The following DRC11 variants were observed in gnomAD, a reference collection of about 807,000 sequenced individuals.
DRC11 encodes IQ and AAA domain-containing protein 1.
the DRC11 span, among the ~76,000 whole-genome samples, chr2:236,417,730 C>G: frequency 6.6e-6 from 1 of 151,712 alleles, no homozygotes; most frequent in Admixed American, 6.6e-5. Context: ...TCTCCCCTTG[C>G]CCCCCATCCC....
the DRC11 span, among the ~76,000 whole-genome samples, chr2:236,478,362 T>C: frequency 2.6e-5 from 4 of 152,224 alleles, no homozygotes; most frequent in African/African-American, 7.2e-5. The surrounding 1 kb of genome is among the most constrained non-coding windows in gnomAD (Gnocchi z 5.9). Flanking sequence ...CCAAGTTTTC[T>C]CTTGTTATTG....
At chr2:236,385,964 T>G in the DRC11 span, among the ~76,000 whole-genome samples, 5 of 144,780 alleles carry the variant, frequency 3.5e-5, no homozygotes, top group Admixed American at 1.4e-4. Context: ...TGGATTACAT[T>G]TATTGATTTG....
the DRC11 span, chr2:236,363,730 G>GT: frequency 1.1e-5 from 15 of 1,372,234 alleles, no homozygotes; most frequent in Non-Finnish European, 1.5e-5. This position sits in a 1 kb window ranked among gnomAD's most constrained non-coding sequence, Gnocchi z 5.6. Context: ...GTTTGAAAAT[G>GT]TAATTTGAAA....
At chr2:236,385,055 T>C in the DRC11 span, among the ~76,000 whole-genome samples, 1 of 151,968 alleles carries the variant, frequency 6.6e-6, no homozygotes, top group South Asian at 2.1e-4. Context: ...GCTGTTTTGG[T>C]TACTGTAGCC....
chr2:236,445,852 C>A, the DRC11 span, among the ~76,000 whole-genome samples: 1 of 152,302 alleles, frequency 6.6e-6, no homozygotes, highest in African/African-American at 2.4e-5. This position sits in a 1 kb window ranked among gnomAD's most constrained non-coding sequence, Gnocchi z 4.8. Context: ...CATGCTTGTG[C>A]AAACAGATGG....
At chr2:236,491,246 G>GTATA in the DRC11 span, among the ~76,000 whole-genome samples, 775 of 23,702 alleles carry the variant, frequency 0.033, 40 homozygotes, top group Non-Finnish European at 0.048. Flanking sequence ...TATATACACA[G>GTATA]TATATATATA....
the DRC11 span, among the ~76,000 whole-genome samples, chr2:236,340,546 A>T: frequency 1.3e-5 from 2 of 152,102 alleles, no homozygotes; most frequent in Admixed American, 1.3e-4. Flanking sequence ...AGGTGGTGGG[A>T]GTGACTGGGC....
the DRC11 span, among the ~76,000 whole-genome samples, chr2:236,490,978 A>G: frequency 7.0e-4 from 101 of 144,340 alleles, no homozygotes; most frequent in African/African-American, 2.5e-3. This position sits in a 1 kb window ranked among gnomAD's most constrained non-coding sequence, Gnocchi z 5.5. Flanking sequence ...GTATATATAT[A>G]CAGTATATAC....
chr2:236,445,249 T>G, the DRC11 span, among the ~76,000 whole-genome samples: 2 of 152,276 alleles, frequency 1.3e-5, no homozygotes, highest in African/African-American at 4.8e-5. The surrounding 1 kb of genome is among the most constrained non-coding windows in gnomAD (Gnocchi z 4.8). Flanking sequence ...GAATTCTTAA[T>G]TATGGAACAC....
the DRC11 span, among the ~76,000 whole-genome samples, chr2:236,358,067 T>C: frequency 5.0e-5 from 6 of 120,446 alleles, no homozygotes. Flanking sequence ...ATTATATGAA[T>C]ATATATTTAT....
the DRC11 span, among the ~76,000 whole-genome samples, chr2:236,330,416 G>T: frequency 6.6e-6 from 1 of 152,150 alleles, no homozygotes. This position sits in a 1 kb window ranked among gnomAD's most constrained non-coding sequence, Gnocchi z 5.5. Flanking sequence ...GGACCTTTAT[G>T]GGAAAAGATT....
chr2:236,335,167 G>A, the DRC11 span, among the ~76,000 whole-genome samples: 20 of 152,176 alleles, frequency 1.3e-4, no homozygotes, highest in Non-Finnish European at 2.6e-4. This position sits in a 1 kb window ranked among gnomAD's most constrained non-coding sequence, Gnocchi z 5.6. Flanking sequence ...GCTCCATTGC[G>A]GGTGGAGAGA....
At chr2:236,498,519 T>G in the DRC11 span, among the ~76,000 whole-genome samples, 1 of 150,944 alleles carries the variant, frequency 6.6e-6, no homozygotes, top group South Asian at 2.1e-4. Flanking sequence ...GGCTGAGCTC[T>G]CTGGAATGCA....
At chr2:236,356,809 C>T in the DRC11 span, among the ~76,000 whole-genome samples, 1 of 151,276 alleles carries the variant, frequency 6.6e-6, no homozygotes, top group South Asian at 2.1e-4. Context: ...GGCAACAGCC[C>T]TGCCTTATAA....
chr2:236,496,033 C>T, the DRC11 span, among the ~76,000 whole-genome samples: 6 of 152,124 alleles, frequency 3.9e-5, no homozygotes, highest in Non-Finnish European at 8.8e-5. The surrounding 1 kb of genome is among the most constrained non-coding windows in gnomAD (Gnocchi z 6.3). Context: ...ACTTCCTATT[C>T]TTGAAATTCA....
chr2:236,412,012 A>G, the DRC11 span, among the ~76,000 whole-genome samples: 1 of 151,888 alleles, frequency 6.6e-6, no homozygotes, highest in Non-Finnish European at 1.5e-5. Context: ...TAACCTGCAC[A>G]TTGTGCATAT....
the DRC11 span, among the ~76,000 whole-genome samples, chr2:236,388,510 CATCA>C: frequency 6.6e-6 from 1 of 151,886 alleles, no homozygotes; most frequent in Non-Finnish European, 1.5e-5. Context: ...TTTTCAGCTC[CATCA>C]GCTCCTTTAA....
the DRC11 span, among the ~76,000 whole-genome samples, chr2:236,388,032 C>T: frequency 1.3e-5 from 2 of 152,332 alleles, no homozygotes; most frequent in East Asian, 1.9e-4. Context: ...GAGAGATCAG[C>T]TGTTAGTCTG....
At chr2:236,502,548 CAAAAAAAAAAAAAAAAAAAA>C in the DRC11 span, among the ~76,000 whole-genome samples, 3 of 15,096 alleles carry the variant, frequency 2.0e-4, no homozygotes, top group Non-Finnish European at 6.7e-4. Context: ...TGCACTCCAG[CAAAAAAAAAAAAAAAAAAAA>C]AAAAAAAAAA....
Sources: gnomAD v4.1 joint callset for allele counts (sites outside exome capture counted in the v4.1 genomes callset) on GRCh38, gnomAD v4.1.1 for gene constraint, Gnocchi (gnomAD v3.1) non-coding constraint, MANE v1.5 for transcripts, NCBI Gene and HGNC (gene_info 2026-07-23, HGNC 2026-07-21) for gene names.